PIGF: variants seen among roughly 807,000 people sequenced by gnomAD.
PIGF encodes GPI ethanolamine phosphate transferase, stabilizing subunit.
In PIGF, 23 loss-of-function variants were observed where a neutral mutation model predicts 26.0. The observed-to-expected ratio is 0.88, with a 90% confidence interval of 0.64 to 1.25. The LOEUF (loss-of-function observed/expected upper bound fraction) is 1.25. PIGF is among the 50% of genes most tolerant of loss of function. The pLI, the probability that PIGF is intolerant of heterozygous loss-of-function variation, is 0.00. For synonymous variants in PIGF, 93 were observed against 92.6 expected, an observed-to-expected ratio of 1.00 and a Z score of -0.03; for missense variants, 278 against 249.9, an observed-to-expected ratio of 1.11 and a Z score of -0.76.
At chr2:46,593,890 G>C (rs1669799065) in intron 4 of PIGF, among the ~76,000 whole-genome samples, 1 of 152,198 alleles carries the variant, frequency 6.6e-6, no homozygotes, top group African/African-American at 2.4e-5. Context: ...ATGATGACAA[G>C]TCAGTTCACA....
chr2:46,584,117 A>G (rs1403031244), intron 5 of PIGF, among the ~76,000 whole-genome samples: 1 of 152,188 alleles, frequency 6.6e-6, no homozygotes, highest in Admixed American at 6.5e-5. Context: ...TATTTAAAAT[A>G]CCAAATTAAA....
intron 5 of PIGF, among the ~76,000 whole-genome samples, chr2:46,583,633 T>C (rs1669476760): frequency 6.6e-6 from 1 of 152,178 alleles, no homozygotes. Context: ...AACCAAAGAT[T>C]TGTTTTCTAT....
chr2:46,581,223 A>G lies in PIGF; in HGVS notation c.*255T>C. 1 of 974,776 alleles carries G rather than the reference A, an allele frequency of 1.0e-6. No individual in the cohort carries two copies. The highest frequency in any genetic ancestry group is 1.5e-6 in the Non-Finnish European group (1 of 676,078). The allele number at this position is 974,776 out of a possible 1,614,324, so 60.4% of individuals were successfully genotyped here. On this transcript the variant is annotated 3_prime_UTR_variant, in exon 6 of 6. Coordinates refer to ENST00000281382, the MANE Select transcript of PIGF (RefSeq NM_002643.4). ...ACAAAACCTGTCCTCAGAATTCTAT[A>G]AAGTGTATTAAGAATGTTCCTTAAA...
chr2:46,604,524 G>C (rs1020282169), intron 4 of PIGF, among the ~76,000 whole-genome samples: 1 of 151,760 alleles, frequency 6.6e-6, no homozygotes, highest in South Asian at 2.1e-4. Context: ...GTACCACTTG[G>C]CCATTAAAAA....
rs143854488 is a variant in PIGF at position 46,597,079 on chromosome 2, C to T, written c.438-4496G>A. Reference sequence around the variant, plus strand: ...CTTGATTTCTTCTCCCCGCTCCTTCCATCTTTTTGGAGCCACCTAGGACTG... The same window carrying T: ...CTTGATTTCTTCTCCCCGCTCCTTCTATCTTTTTGGAGCCACCTAGGACTG... On this transcript the variant is annotated intron_variant, in intron 4 of 5. Transcript: ENST00000281382. 2.0e-3 allele frequency among the ~76,000 whole-genome samples: 307 copies of T among 152,256 alleles called. 1 individual carries two copies. The highest frequency in any genetic ancestry group is 6.8e-3 in the African/African-American group (281 of 41,542).
At chr2:46,603,327 C>T (rs1278807899) in intron 4 of PIGF, among the ~76,000 whole-genome samples, 1 of 151,948 alleles carries the variant, frequency 6.6e-6, no homozygotes, top group Non-Finnish European at 1.5e-5. Context: ...ATCAAAATAC[C>T]AACACTATTC....
At chr2:46,609,670 T>C (rs1670342219) in intron 4 of PIGF, among the ~76,000 whole-genome samples, 1 of 152,060 alleles carries the variant, frequency 6.6e-6, no homozygotes, top group Non-Finnish European at 1.5e-5. Context: ...TTGATATTTT[T>C]GTATCTCAGG....
In PIGF at chr2:46,593,134, CT is replaced by C. The variant is rs71397007; in HGVS notation, c.438-552del. On this transcript the variant is annotated intron_variant, in intron 4 of 5. Transcript: ENST00000281382. ...TGCATCATTTATTCAACCAGTCTTT[CT>C]TTTTTTTTTTTTTTTTCAGACGGAG... 4.4e-3 allele frequency among the ~76,000 whole-genome samples: 582 copies of C among 132,274 alleles called. 1 individual carries two copies. The highest frequency in any genetic ancestry group is 9.1e-3 in the African/African-American group (325 of 35,520). 86.8% of individuals were successfully genotyped at this position (132,274 alleles called of 152,430 possible).
At chr2:46,600,167 C>T (rs985932563) in intron 4 of PIGF, among the ~76,000 whole-genome samples, 21 of 152,228 alleles carry the variant, frequency 1.4e-4, no homozygotes, top group Non-Finnish European at 2.4e-4. Context: ...AGTCTGCCCC[C>T]TTAGCAGATC....
chr2:46,612,380 TTAAAGG>T (rs1670450714), intron 3 of PIGF, 36 bp from the exon 4 acceptor site: 1 of 778,412 alleles, frequency 1.3e-6, no homozygotes. Context: ...TAAAAAAGTG[TTAAAGG>T]TAAACATACA....
intron 4 of PIGF, among the ~76,000 whole-genome samples, chr2:46,608,913 G>A (rs1670310111): frequency 6.6e-6 from 1 of 152,134 alleles, no homozygotes; most frequent in Non-Finnish European, 1.5e-5. Context: ...TAATTCTTAA[G>A]GGCCCTAGGA....
chr2:46,596,270 C>T (rs933534787), intron 4 of PIGF, among the ~76,000 whole-genome samples: 5 of 151,290 alleles, frequency 3.3e-5, no homozygotes, highest in Non-Finnish European at 7.4e-5. Flanking sequence ...GTTCTAAGTT[C>T]CTTGGGCTAA....
intron 2 of PIGF, 196 bp downstream of exon 2, chr2:46,614,741 T>G (rs1296486276): frequency 2.0e-6 from 1 of 497,720 alleles, no homozygotes; most frequent in African/African-American, 1.9e-5. Context: ...ATTCCATAAT[T>G]AATGCAAGGC....
chr2:46,603,721 G>C lies in PIGF; in HGVS notation c.437+8507C>G, dbSNP rs374681553. On this transcript the variant is annotated intron_variant, in intron 4 of 5. Coordinates refer to ENST00000281382, the MANE Select transcript of PIGF (RefSeq NM_002643.4). ...AAAAATCAAACCAAGATGGATTAAA[G>C]ACTTAAATTTAAGACCACAAACTAT... is the stretch of plus-strand genomic sequence containing the variant. Among the ~76,000 whole-genome samples the C allele has an allele frequency of 3.4e-4, 52 of 152,112 alleles. 1 individual carries two copies. The South Asian group carries it at 0.011, about 32-fold the overall frequency.
rs867638745 is a variant in PIGF, at chr2:46,588,078, G to A, written c.546+4397C>T. On this transcript the variant is annotated intron_variant, in intron 5 of 5. Transcript: ENST00000281382. The surrounding 1 kb of genome is among the most constrained non-coding windows in gnomAD (Gnocchi z 4.1). ...ATAAAATGGGAGTAAAACCTACCTT[G>A]CACTACGGTTGTCAGGATTAAGTTA... 1.3e-5 allele frequency: 21 copies of A among 1,577,146 alleles called. No homozygotes were observed. In the Middle Eastern group the frequency reaches 5.0e-4, roughly 38 times the overall value.
At chr2:46,616,842 A>C in intron 1 of PIGF, 128 bp downstream of exon 1, 1 of 284,756 alleles carries the variant, frequency 3.5e-6, no homozygotes, top group Non-Finnish European at 6.8e-6. Context: ...GCACGCCGGA[A>C]GAGTGGCGCT....
intron 4 of PIGF, among the ~76,000 whole-genome samples, chr2:46,597,420 T>G (rs563557458): frequency 7.8e-6 from 1 of 128,956 alleles, no homozygotes; most frequent in African/African-American, 2.6e-5. Flanking sequence ...TTTTTTGTTG[T>G]TTTTTTTTTT....
chr2:46,581,516 A>G lies in PIGF; in HGVS notation c.622T>C (p.Tyr208His). 6.2e-7 allele frequency: 1 copy of G among 1,611,600 alleles called. No individual in the cohort carries two copies. The highest frequency in any genetic ancestry group is 8.5e-7 in the Non-Finnish European group (1 of 1,179,584). ...TATGTAAGTTGCTTTCTATTCCAGT[A>G]TATCCAGAGTGGTGAAATAACAAGG... ...AGLVISPLWI[Y>H]WNRKQLTYKN... Residue 208 changes from tyrosine (Y) to histidine (H), a missense_variant, in exon 6 of 6, where the codon TAC becomes CAC. Coordinates refer to ENST00000281382, the MANE Select transcript of PIGF (RefSeq NM_002643.4).
At chr2:46,609,158 A>C (rs1670320098) in intron 4 of PIGF, among the ~76,000 whole-genome samples, 1 of 152,262 alleles carries the variant, frequency 6.6e-6, no homozygotes, top group South Asian at 2.1e-4. Flanking sequence ...AACTTGCTCC[A>C]GCTTCTACAT....
Sources: gnomAD v4.1 joint callset for allele counts (sites outside exome capture counted in the v4.1 genomes callset) on GRCh38, gnomAD v4.1.1 for gene constraint, Gnocchi (gnomAD v3.1) non-coding constraint, MANE v1.5 for transcripts, NCBI Gene and HGNC (gene_info 2026-07-23, HGNC 2026-07-21) for gene names.